Variants in ST6GALNAC3 observed in about 807,000 individuals in gnomAD.
ST6GALNAC3 encodes the protein alpha-N-acetylgalactosaminide alpha-2,6-sialyltransferase 3.
In ST6GALNAC3, 25 loss-of-function variants were observed where a neutral mutation model predicts 32.7. That is an observed-to-expected ratio of 0.76 (90% CI 0.56 to 1.07). The LOEUF (loss-of-function observed/expected upper bound fraction) is 1.07, where lower values mean the gene tolerates loss of function less well. ST6GALNAC3 is among the 50% of genes least tolerant of loss of function. The pLI is 0.00. For missense variants in ST6GALNAC3, 355 were observed against 382.4 expected (o/e 0.93, Z 0.60); for synonymous variants, 129 against 133.1 (o/e 0.97, Z 0.21).
chr1:76,266,998 T>A (rs1461886242), intron 1 of ST6GALNAC3, among the ~76,000 whole-genome samples: 1 of 152,172 alleles, frequency 6.6e-6, no homozygotes, highest in Non-Finnish European at 1.5e-5. Flanking sequence ...GTGAAAACAC[T>A]AGAAGCAGGC....
intron 3 of ST6GALNAC3, among the ~76,000 whole-genome samples, chr1:76,516,308 A>G (rs1341032862): frequency 2.0e-5 from 3 of 152,194 alleles, no homozygotes; most frequent in Non-Finnish European, 4.4e-5. Flanking sequence ...ATGTGTGTAT[A>G]CATATATTAT....
chr1:76,610,397 C>T (rs1390804006), intron 3 of ST6GALNAC3, among the ~76,000 whole-genome samples: 1 of 152,146 alleles, frequency 6.6e-6, no homozygotes, highest in East Asian at 1.9e-4. Context: ...ATTCCTTGCT[C>T]TTGTCACTCC....
At chr1:76,091,804 C>T (rs1647050448) in intron 1 of ST6GALNAC3, among the ~76,000 whole-genome samples, 1 of 152,134 alleles carries the variant, frequency 6.6e-6, no homozygotes, top group Non-Finnish European at 1.5e-5. Flanking sequence ...TAGGCTACAC[C>T]ATCTAGGTGT....
chr1:76,225,666 T>C (rs1656025177), intron 1 of ST6GALNAC3, among the ~76,000 whole-genome samples: 1 of 152,196 alleles, frequency 6.6e-6, no homozygotes, highest in Admixed American at 6.5e-5. Context: ...GGAGATAATA[T>C]TACTTAACCT....
chr1:76,341,234 T>C (rs1647943841), intron 2 of ST6GALNAC3, among the ~76,000 whole-genome samples: 1 of 151,712 alleles, frequency 6.6e-6, no homozygotes, highest in African/African-American at 2.4e-5. Flanking sequence ...GAGTCTGCAG[T>C]GTCTAATGTC....
chr1:76,404,448 C>T (rs186167193), intron 2 of ST6GALNAC3, among the ~76,000 whole-genome samples: 4 of 152,020 alleles, frequency 2.6e-5, no homozygotes, highest in Admixed American at 6.6e-5. Context: ...TCCTGAAACA[C>T]GGGAAAAATT....
At chr1:76,313,094 A>G (rs545597137) in intron 1 of ST6GALNAC3, among the ~76,000 whole-genome samples, 12 of 152,148 alleles carry the variant, frequency 7.9e-5, no homozygotes, top group Admixed American at 5.9e-4. Context: ...TGCAAATCCT[A>G]TAGCACAGGC....
chr1:76,403,087 T>A (rs958033262), intron 2 of ST6GALNAC3, among the ~76,000 whole-genome samples: 1 of 152,094 alleles, frequency 6.6e-6, no homozygotes, highest in African/African-American at 2.4e-5. Flanking sequence ...GCAATGACTG[T>A]TCCATTTACC....
At chr1:76,369,063 T>G (rs1348603158) in intron 2 of ST6GALNAC3, among the ~76,000 whole-genome samples, 1 of 152,170 alleles carries the variant, frequency 6.6e-6, no homozygotes. Flanking sequence ...ACCTTTTTGA[T>G]ATATCTTATT....
chr1:76,499,507 G>C (rs1232820920), intron 3 of ST6GALNAC3, among the ~76,000 whole-genome samples: 1 of 151,968 alleles, frequency 6.6e-6, no homozygotes, highest in Non-Finnish European at 1.5e-5. Context: ...GTCTTTCCCA[G>C]GTTTGCAGCT....
chr1:76,556,108 T>A (rs1664906638), intron 3 of ST6GALNAC3, among the ~76,000 whole-genome samples: 1 of 152,158 alleles, frequency 6.6e-6, no homozygotes, highest in Non-Finnish European at 1.5e-5. Flanking sequence ...GGATACTCCA[T>A]ACAAATGGAA....
At chr1:76,330,767 A>G (rs537596494) in intron 2 of ST6GALNAC3, among the ~76,000 whole-genome samples, 22 of 152,326 alleles carry the variant, frequency 1.4e-4, no homozygotes, top group Non-Finnish European at 2.2e-4. Context: ...TAACTACAGG[A>G]GGCTGCTGCA....
chr1:76,583,707 C>A (rs183234244), intron 3 of ST6GALNAC3, among the ~76,000 whole-genome samples: 59 of 152,280 alleles, frequency 3.9e-4, no homozygotes, highest in African/African-American at 1.3e-3. Context: ...CTGTGTGATG[C>A]AGATATACTA....
intron 3 of ST6GALNAC3, among the ~76,000 whole-genome samples, chr1:76,462,995 C>T (rs1658384815): frequency 6.6e-6 from 1 of 152,038 alleles, no homozygotes. Flanking sequence ...GTCAAACACC[C>T]CTTGCTCTGC....
In ST6GALNAC3 at chr1:76,623,284, C is replaced by A. The variant is rs1648757799; in HGVS notation, c.624-4168C>A. Among the ~76,000 whole-genome samples the A allele has an allele frequency of 2.0e-5, 3 of 151,996 alleles. No individual in the cohort carries two copies. The South Asian group carries it at 6.2e-4, about 32-fold the overall frequency. On this transcript the variant is annotated intron_variant, in intron 3 of 4. Transcript: ENST00000328299. The stretch of plus-strand genomic sequence containing the variant: ...TTCCAAGTTGTAAGTATCTTGATTA[C>A]CAAGGAGCAGCAGGGTGCAGAGCCT...
chr1:76,203,028 A>G (rs1380157088), intron 1 of ST6GALNAC3, among the ~76,000 whole-genome samples: 4 of 152,212 alleles, frequency 2.6e-5, no homozygotes, highest in African/African-American at 9.7e-5. Context: ...GGAATTTAGA[A>G]TATTTTAAGT....
intron 2 of ST6GALNAC3, among the ~76,000 whole-genome samples, chr1:76,319,561 A>T (rs186310966): frequency 6.6e-6 from 1 of 152,322 alleles, no homozygotes. Context: ...GTACACATGT[A>T]ACTAAAGCTG....
chr1:76,494,688 A>G (rs1660742246), intron 3 of ST6GALNAC3, among the ~76,000 whole-genome samples: 1 of 116,978 alleles, frequency 8.5e-6, no homozygotes, highest in East Asian at 2.4e-4. Flanking sequence ...CACTTTCCCT[A>G]CTTTCTTCCA....
At position 76,630,191 on chromosome 1, in the gene ST6GALNAC3, A is replaced by C; in HGVS notation, c.*1385A>C. On this transcript the variant is annotated 3_prime_UTR_variant, in exon 5 of 5. Coordinates refer to ENST00000328299, the MANE Select transcript of ST6GALNAC3 (RefSeq NM_152996.4). Reference sequence around the variant, plus strand: ...ATTTGTATAGAATAGAATTTATGTAAACTAGTAACCAGTTGATCTCTGTGC... The same window carrying C: ...ATTTGTATAGAATAGAATTTATGTACACTAGTAACCAGTTGATCTCTGTGC... 1 of 985,224 alleles carries C rather than the reference A, an allele frequency of 1.0e-6. No homozygotes were observed. The highest frequency in any genetic ancestry group is 1.2e-6 in the Non-Finnish European group (1 of 829,810). The allele number at this position is 985,224 out of a possible 1,614,324, so 61.0% of individuals were successfully genotyped here.
Sources: allele counts gnomAD v4.1 joint callset (sites outside exome capture counted in the v4.1 genomes callset), GRCh38; gene constraint gnomAD v4.1.1; transcripts MANE v1.5; gene names NCBI Gene and HGNC (gene_info 2026-07-23, HGNC 2026-07-21).